RBP4: variants seen among roughly 807,000 people sequenced by gnomAD.
RBP4 encodes the protein retinol-binding protein 4.
In RBP4, 9 loss-of-function variants were observed where a neutral mutation model predicts 26.2. The observed-to-expected ratio is 0.34, with a 90% CI of 0.21 to 0.60. RBP4 has a LOEUF of 0.60. RBP4 is among the 20% of genes least tolerant of loss of function. RBP4 has a pLI of 0.80. For missense variants in RBP4, 244 were observed against 271.3 expected (o/e 0.90, Z 0.71); for synonymous variants, 114 against 111.0 (o/e 1.03, Z -0.17).
rs1343571696 is a variant in RBP4, at chr10:93,593,897, T to G, written c.494A>C (p.Glu165Ala). 3 of 1,613,830 alleles carry G rather than the reference T, an allele frequency of 1.9e-6. No individual in the cohort carries two copies. Among genetic ancestry groups the G allele is most frequent in the Non-Finnish European group, 2.5e-6 (3 of 1,180,020 alleles). ...CCGCTGCCTTACAATCTTCTGCGCT[T>G]CTGGGGGCAGGCCGTTGGGGTCCCG... Reference protein sequence around the residue: ...FSRDPNGLPPEAQKIVRQRQE... With the variant: ...FSRDPNGLPPAAQKIVRQRQE... The change falls in exon 5 of 6, where the codon GAA becomes GCA. Residue 165 changes from glutamate to alanine, a missense_variant. Transcript: ENST00000371464.
In RBP4 at chr10:93,600,963, G is replaced by T. The variant is rs1023148051; in HGVS notation, c.66C>A (p.Cys22Ter). 1.2e-6 allele frequency: 2 copies of T among 1,612,332 alleles called. No homozygotes were observed. The highest frequency in any genetic ancestry group is 8.5e-7 in the Non-Finnish European group (1 of 1,179,762). Residue 22 changes from cysteine (C) to a stop codon, truncating the protein, a stop_gained, in exon 2 of 6, where the codon TGC becomes TGA. Coordinates refer to ENST00000371464, the MANE Select transcript of RBP4 (RefSeq NM_006744.4). LOFTEE classifies it high-confidence loss of function. ...ALGSGRAERD[C>*]RVSSFRVKEN... ...CCTTGACTCGGAAGCTGCTCACTCG[G>T]CAGTCGCGCTCCGCGCGGCCGCTGC... is the stretch of plus-strand genomic sequence containing the variant.
chr10:93,592,012 A>G lies in RBP4; in HGVS notation c.*63T>C, dbSNP rs1048317589. The stretch of plus-strand genomic sequence containing the variant: ...GAAGGGCAAATTAAACTCCTAAGAT[A>G]AATAGAGCTGAAGACTGAGAGCTAA... On this transcript the variant is annotated 3_prime_UTR_variant, in exon 6 of 6. Transcript: ENST00000371464. 5 of 1,390,610 alleles carry G rather than the reference A, an allele frequency of 3.6e-6. No individual in the cohort carries two copies. The African/African-American group carries it at 5.7e-5, about 16-fold the overall frequency. 86.1% of individuals were successfully genotyped at this position (1,390,610 alleles called of 1,614,324 possible).
At chr10:93,596,213 T>C (rs980377671) in intron 4 of RBP4, among the ~76,000 whole-genome samples, 25 of 152,144 alleles carry the variant, frequency 1.6e-4, no homozygotes, top group Admixed American at 1.2e-3. Flanking sequence ...TTTTTTTTTT[T>C]TTTTTCCTCC....
rs1263902128 is a variant in RBP4, at chr10:93,600,678, G to A, written c.237C>T (p.Val79=). 1.9e-6 allele frequency: 3 copies of A among 1,611,650 alleles called. No individual in the cohort carries two copies. Among genetic ancestry groups the A allele is most frequent in the Non-Finnish European group, 2.5e-6 (3 of 1,179,134 alleles). The part of the protein sequence containing the change: ...GQMSATAKGR[V]RLLNNWDVCA... ...CGGCGGCCACTGACTTCAAAAGACGGACTCGGCCCTTGGCTGTGGCGCTCA... is the reference window on the plus strand; with the variant it reads ...CGGCGGCCACTGACTTCAAAAGACGAACTCGGCCCTTGGCTGTGGCGCTCA... Residue 79 remains valine (V), a synonymous_variant, in exon 3 of 6, where the codon GTC becomes GTT. Transcript: ENST00000371464.
intron 4 of RBP4, among the ~76,000 whole-genome samples, chr10:93,600,159 G>A (rs993133384): frequency 6.6e-6 from 1 of 152,170 alleles, no homozygotes; most frequent in Non-Finnish European, 1.5e-5. Flanking sequence ...CTGACAAACC[G>A]AAAGGTCCTT....
chr10:93,600,856 G>C, intron 2 of RBP4, 53 bp from the exon 3 acceptor site: 1 of 1,596,266 alleles, frequency 6.3e-7, no homozygotes, highest in Non-Finnish European at 8.5e-7. Context: ...ACGGCGGGCC[G>C]CGGGGAGGGC....
Position 93,601,002 on chromosome 10 carries a change from C to G in RBP4, c.27G>C (p.Leu9=). 1 of 1,611,958 alleles carries G rather than the reference C, an allele frequency of 6.2e-7. No individual in the cohort carries two copies. The highest frequency in any genetic ancestry group is 1.1e-5 in the South Asian group (1 of 91,072). ...CGCGGCCGCTGCCCAGCGCCGCCAA[C>G]AGCAAGAGCGCCCACACCCACTTCA... is the stretch of plus-strand genomic sequence containing the variant. The part of the protein sequence containing the change: MKWVWALL[L]LAALGSGRAE... Residue 9 remains leucine, a synonymous_variant, in exon 2 of 6, where the codon CTG becomes CTC. Coordinates refer to ENST00000371464, the MANE Select transcript of RBP4 (RefSeq NM_006744.4).
Position 93,600,900 on chromosome 10 carries a change from C to T in RBP4, c.111+18G>A, listed in dbSNP as rs1168201367. ...GGTGGGGACCTGGGCCGCCTGGGCC[C>T]CCTGGGCCGATACCTACGCGAGCCT... On this transcript the variant is annotated intron_variant, in intron 2 of 5. Coordinates refer to ENST00000371464, the MANE Select transcript of RBP4 (RefSeq NM_006744.4). 6.2e-6 allele frequency: 10 copies of T among 1,611,794 alleles called. No homozygotes were observed. The highest frequency in any genetic ancestry group is 8.5e-6 in the Non-Finnish European group (10 of 1,179,592).
Position 93,593,949 on chromosome 10 carries a change from C to CACAGGTGCCATG in RBP4, c.441_442insCATGGCACCTGT (p.Cys147_Ala148insHisGlyThrCys). ...GAAAACACGAAGGAGTAGCTGTCAG[C>CACAGGTGCCATG]ACAGGTGCCATCGAGGTTCAGGAGG... On this transcript the variant is annotated inframe_insertion, in exon 5 of 6. Transcript: ENST00000371464. The CACAGGTGCCATG allele has an allele frequency of 6.2e-7, 1 of 1,614,020 alleles. No individual in the cohort carries two copies. The highest frequency in any genetic ancestry group is 8.5e-7 in the Non-Finnish European group (1 of 1,180,036).
In RBP4 at chr10:93,600,429, T is replaced by C. The variant is rs1278543743; in HGVS notation, c.319A>G (p.Lys107Glu). ...DTEDPAKFKM[K>E]YWGVASFLQK... ...AGAAAGGAGGCTACGCCCCAGTACTTCATCTTGAACTTGGCAGGGTCCTCG... is the reference window on the plus strand; with the variant it reads ...AGAAAGGAGGCTACGCCCCAGTACTCCATCTTGAACTTGGCAGGGTCCTCG... Residue 107 changes from lysine to glutamate, a missense_variant, in exon 4 of 6, where the codon AAG becomes GAG. Lys to Glu is a moderately conservative substitution (Grantham distance 56). Coordinates refer to ENST00000371464, the MANE Select transcript of RBP4 (RefSeq NM_006744.4). 6.2e-7 allele frequency: 1 copy of C among 1,614,070 alleles called. No homozygotes were observed. Among genetic ancestry groups the C allele is most frequent in the African/African-American group, 1.3e-5 (1 of 75,032 alleles).
chr10:93,601,188 C>T lies in RBP4; in HGVS notation c.-36G>A, dbSNP rs1003118378. ...CGACTCACCACCGGGAGGGGAACCG[C>T]GCGCAAGCCTGGCCGCCGAGTCCGG... On this transcript the variant is annotated 5_prime_UTR_variant, in exon 1 of 6. Transcript: ENST00000371464. 2 of 1,366,428 alleles carry T rather than the reference C, an allele frequency of 1.5e-6. No homozygotes were observed. Among genetic ancestry groups the T allele is most frequent in the Non-Finnish European group, 1.9e-6 (2 of 1,069,918 alleles). 84.6% of individuals were successfully genotyped at this position (1,366,428 alleles called of 1,614,324 possible).
chr10:93,595,639 G>A (rs1464136331), intron 4 of RBP4, among the ~76,000 whole-genome samples: 1 of 152,252 alleles, frequency 6.6e-6, no homozygotes, highest in African/African-American at 2.4e-5. Flanking sequence ...AGTTGGAGAA[G>A]CGCAGAGGGA....
At chr10:93,601,271 C>CG (rs2058337792), upstream of RBP4, 2 of 1,214,326 alleles carry the variant, frequency 1.6e-6, no homozygotes, top group Non-Finnish European at 2.0e-6. Context: ...TTTATAGCGC[C>CG]GGGGGGAGGG....
rs780950382 is a variant in RBP4 at position 93,593,894 on chromosome 10, G to A, written c.497C>T (p.Ala166Val). Residue 166 changes from alanine (A) to valine (V), a missense_variant, in exon 5 of 6, where the codon GCG becomes GTG. By Grantham distance (64) the Ala-to-Val change is moderately conservative. Transcript: ENST00000371464. ...SRDPNGLPPE[A>V]QKIVRQRQEE... The stretch of plus-strand genomic sequence containing the variant: ...CTGCCGCTGCCTTACAATCTTCTGC[G>A]CTTCTGGGGGCAGGCCGTTGGGGTC... 22 of 1,613,758 alleles carry A rather than the reference G, an allele frequency of 1.4e-5. No individual in the cohort carries two copies. Among genetic ancestry groups the A allele is most frequent in the South Asian group, 2.2e-5 (2 of 91,056 alleles).
rs114273007 is a variant in RBP4 at position 93,598,970 on chromosome 10, C to A, written c.355+1423G>T. ...TAAAGCTTCTAAGCTTTTTCTCTAC[C>A]AGGTATGGTGGCTCATACTTGTAAT... is the stretch of plus-strand genomic sequence containing the variant. On this transcript the variant is annotated intron_variant, in intron 4 of 5. Coordinates refer to ENST00000371464, the MANE Select transcript of RBP4 (RefSeq NM_006744.4). 6.2e-3 allele frequency among the ~76,000 whole-genome samples: 939 copies of A among 152,122 alleles called. 11 individuals are homozygous for A. The highest frequency in any genetic ancestry group is 0.021 in the African/African-American group (883 of 41,478).
At chr10:93,593,373 G>A (rs1293087768) in intron 5 of RBP4, among the ~76,000 whole-genome samples, 2 of 152,148 alleles carry the variant, frequency 1.3e-5, no homozygotes, top group African/African-American at 4.8e-5. Flanking sequence ...AAAAAAGAAG[G>A]TGCGTTGAAA....
rs142149253 is a variant in RBP4, at chr10:93,600,717, G to A, written c.198C>T (p.Asp66=). The change falls in exon 3 of 6, where the codon GAC becomes GAT. Residue 66 remains aspartate (D), a synonymous_variant. Transcript: ENST00000371464. ...CTGTGGCGCTCATCTGGCCGGTCTC[G>A]TCCACGGAGAACTCCGCGACGATGT... ...QDNIVAEFSV[D]ETGQMSATAK... 5.8e-5 allele frequency: 94 copies of A among 1,610,510 alleles called. No homozygotes were observed. The highest frequency in any genetic ancestry group is 3.3e-4 in the Middle Eastern group (2 of 6,082).
intron 4 of RBP4, among the ~76,000 whole-genome samples, chr10:93,596,201 CTTT>C (rs3215968): frequency 2.2e-5 from 3 of 134,664 alleles, no homozygotes; most frequent in Non-Finnish European, 1.6e-5. Flanking sequence ...GGCAGCTTAA[CTTT>C]TTTTTTTTTT....
At chr10:93,595,860 G>A (rs7094671) in intron 4 of RBP4, among the ~76,000 whole-genome samples, 40,660 of 152,150 alleles carry the variant, frequency 0.27, 5,722 homozygotes, top group South Asian at 0.39. Flanking sequence ...AGCCACTCCT[G>A]TGCCTTGAGG....
Sources: allele counts gnomAD v4.1 joint callset (sites outside exome capture counted in the v4.1 genomes callset), GRCh38; gene constraint gnomAD v4.1.1; transcripts MANE v1.5; gene names NCBI Gene and HGNC (gene_info 2026-07-23, HGNC 2026-07-21).